Variants in ADCY8 observed in about 807,000 individuals in gnomAD.
The protein encoded by ADCY8 is adenylate cyclase type 8.
Under a neutral mutation model 119.7 loss-of-function variants are expected in ADCY8, and 51 were observed. The observed-to-expected ratio is 0.43, with a 90% CI of 0.34 to 0.54. The LOEUF (loss-of-function observed/expected upper bound fraction) is 0.54, where lower values mean the gene tolerates loss of function less well. Ranked by LOEUF, ADCY8 falls within the 20% of genes least tolerant of loss-of-function variation. The pLI is 0.03. For synonymous variants in ADCY8, 665 were observed against 651.0 expected, an observed-to-expected ratio of 1.02 and a Z score of -0.33; for missense variants, 1,383 against 1,598.8, an observed-to-expected ratio of 0.87 and a Z score of 2.30.
intron 1 of ADCY8, among the ~76,000 whole-genome samples, chr8:131,032,192 A>C (rs1824017688): frequency 6.6e-6 from 1 of 152,344 alleles, no homozygotes; most frequent in Admixed American, 6.5e-5. Flanking sequence ...CCAAGACATT[A>C]ATGTGATTTA....
intron 2 of ADCY8, among the ~76,000 whole-genome samples, chr8:130,956,656 A>G (rs1237185434): frequency 6.6e-6 from 1 of 152,156 alleles, no homozygotes; most frequent in East Asian, 1.9e-4. Flanking sequence ...GGTTTGGCAA[A>G]TCTCATCTTA....
chr8:130,781,059 G>C (rs780951757), intron 17 of ADCY8, among the ~76,000 whole-genome samples, 182 bp from the exon 18 acceptor site: 1 of 152,120 alleles, frequency 6.6e-6, no homozygotes, highest in Non-Finnish European at 1.5e-5. Context: ...AACCTATTTG[G>C]ACCTCACTTT....
intron 13 of ADCY8, among the ~76,000 whole-genome samples, chr8:130,819,925 G>T (rs1172339886): frequency 6.6e-6 from 1 of 152,192 alleles, no homozygotes; most frequent in Non-Finnish European, 1.5e-5. Flanking sequence ...CAGCATCTTT[G>T]TTCTGCTCTG....
chr8:130,927,870 T>C (rs757877611), intron 5 of ADCY8, among the ~76,000 whole-genome samples: 4 of 152,220 alleles, frequency 2.6e-5, no homozygotes, highest in Non-Finnish European at 5.9e-5. Context: ...TGGACATCCC[T>C]GTCTTTTTTC....
chr8:130,953,840 G>A (rs1204859506), intron 2 of ADCY8, among the ~76,000 whole-genome samples: 1 of 152,220 alleles, frequency 6.6e-6, no homozygotes, highest in Non-Finnish European at 1.5e-5. Context: ...AATGACATAT[G>A]ATGAAGCCCT....
At chr8:131,028,369 A>G (rs144074251) in intron 1 of ADCY8, among the ~76,000 whole-genome samples, 26 of 152,320 alleles carry the variant, frequency 1.7e-4, no homozygotes, top group African/African-American at 6.0e-4. Context: ...ATAAATAGAA[A>G]AGAGGAGACT....
intron 8 of ADCY8, among the ~76,000 whole-genome samples, chr8:130,874,230 C>T (rs1004128809): frequency 6.6e-6 from 1 of 151,926 alleles, no homozygotes; most frequent in African/African-American, 2.4e-5. Flanking sequence ...ATCACTTGAA[C>T]CCAGGAGGTG....
intron 5 of ADCY8, among the ~76,000 whole-genome samples, chr8:130,931,128 G>C (rs1442745315): frequency 6.6e-6 from 1 of 152,134 alleles, no homozygotes; most frequent in Non-Finnish European, 1.5e-5. Context: ...AAGTCTGGTG[G>C]TGATGAATTC....
chr8:130,783,509 C>A (rs1158031750), intron 17 of ADCY8, among the ~76,000 whole-genome samples, 182 bp downstream of exon 17: 4 of 152,214 alleles, frequency 2.6e-5, no homozygotes, highest in African/African-American at 9.6e-5. Flanking sequence ...TTTCCAGCAT[C>A]TTGACTGAGA....
chr8:131,040,376 C>A lies in ADCY8; in HGVS notation c.-43G>T. On this transcript the variant is annotated 5_prime_UTR_variant, in exon 1 of 18. Coordinates refer to ENST00000286355, the MANE Select transcript of ADCY8 (RefSeq NM_001115.3). Reference sequence around the variant, plus strand: ...AAGGAGGCCCAGAACCTTGGGGAGGCAGCCGGAGGAGGGGTTCCTAAAGAC... The same window carrying A: ...AAGGAGGCCCAGAACCTTGGGGAGGAAGCCGGAGGAGGGGTTCCTAAAGAC... 1 of 1,446,984 alleles carries A rather than the reference C, an allele frequency of 6.9e-7. No homozygotes were observed. Among genetic ancestry groups the A allele is most frequent in the Non-Finnish European group, 9.0e-7 (1 of 1,106,790 alleles). The allele number at this position is 1,446,984 out of a possible 1,614,324, so 89.6% of individuals were successfully genotyped here. A position where few individuals can be genotyped will look rare whatever the true frequency, so the allele number is the denominator to read the frequency against.
At chr8:130,847,838 CAGG>C in intron 10 of ADCY8, among the ~76,000 whole-genome samples, 2 of 152,250 alleles carry the variant, frequency 1.3e-5, no homozygotes, top group Middle Eastern at 6.8e-3. Flanking sequence ...AGCCAGATGG[CAGG>C]AGAAGAGGTC....
At chr8:130,793,258 A>G (rs1219402622) in intron 15 of ADCY8, among the ~76,000 whole-genome samples, 1 of 152,030 alleles carries the variant, frequency 6.6e-6, no homozygotes. Context: ...CCTTTCTCAG[A>G]ACCCTCTCTG....
chr8:130,787,000 C>T (rs1407799118), intron 15 of ADCY8, among the ~76,000 whole-genome samples: 2 of 151,918 alleles, frequency 1.3e-5, no homozygotes, highest in Non-Finnish European at 2.9e-5. Flanking sequence ...TACAGGAGGT[C>T]CAAAGAGTGA....
chr8:130,802,474 A>T (rs980665495), intron 14 of ADCY8, among the ~76,000 whole-genome samples: 1 of 152,178 alleles, frequency 6.6e-6, no homozygotes, highest in Non-Finnish European at 1.5e-5. Flanking sequence ...AGAGTGATCT[A>T]TTAAAGATAC....
chr8:130,885,132 A>C (rs1481194693), intron 7 of ADCY8, among the ~76,000 whole-genome samples: 10 of 152,100 alleles, frequency 6.6e-5, no homozygotes, highest in Admixed American at 3.9e-4. Flanking sequence ...AAAAGTCCCC[A>C]AAAATGATCA....
chr8:130,846,888 T>TCTCCTTCCTTCC (rs1554606244), intron 11 of ADCY8, among the ~76,000 whole-genome samples: 1 of 19,834 alleles, frequency 5.0e-5, no homozygotes, highest in Non-Finnish European at 8.7e-5. Flanking sequence ...TTCCCTTCCC[T>TCTCCTTCCTTCC]TTCCTTCCTT....
rs1443553783 is a variant in ADCY8 at position 130,807,978 on chromosome 8, C to T, written c.2913+6091G>A. Among the ~76,000 whole-genome samples the T allele has an allele frequency of 6.4e-4, 32 of 50,062 alleles. 2 individuals are homozygous for T. The highest frequency in any genetic ancestry group is 2.2e-3 in the African/African-American group (30 of 13,746). 32.8% of individuals were successfully genotyped at this position (50,062 alleles called of 152,430 possible). A position where few individuals can be genotyped will look rare whatever the true frequency, so the allele number is the denominator to read the frequency against. ...CAGCCTGGGTGACAGAGCGAGACTC[C>T]GTCTCAAAAAAAAAAAAAAAAAAAA... On this transcript the variant is annotated intron_variant, in intron 14 of 17. Transcript: ENST00000286355.
intron 5 of ADCY8, among the ~76,000 whole-genome samples, chr8:130,917,345 A>G (rs1038345866): frequency 1.3e-5 from 2 of 152,160 alleles, no homozygotes; most frequent in Non-Finnish European, 2.9e-5. Context: ...GTTTATTCCC[A>G]TTTTACAACC....
intron 13 of ADCY8, among the ~76,000 whole-genome samples, chr8:130,819,013 T>C (rs1320651628): frequency 6.6e-6 from 1 of 152,202 alleles, no homozygotes; most frequent in Non-Finnish European, 1.5e-5. Flanking sequence ...ATTTTGAAAA[T>C]TTATATGTGC....
Sources: allele counts gnomAD v4.1 joint callset (sites outside exome capture counted in the v4.1 genomes callset), GRCh38; gene constraint gnomAD v4.1.1; transcripts MANE v1.5; gene names NCBI Gene and HGNC (gene_info 2026-07-23, HGNC 2026-07-21).